The following THRAP3 variants were observed in gnomAD, a reference collection of about 807,000 sequenced individuals.
THRAP3 encodes thyroid hormone receptor associated protein 3.
Under a neutral mutation model 101.0 loss-of-function variants are expected in THRAP3, and 16 were observed. That is an observed-to-expected ratio of 0.16 (90% CI 0.11 to 0.24). The LOEUF is 0.24. Among genes scored for constraint, THRAP3 ranks in the 10% least tolerant of loss-of-function variants. The probability of loss-of-function intolerance (pLI) is 1.00; values close to 1 mark genes in which losing one functional copy is unlikely to be tolerated. For missense variants in THRAP3, 989 were observed against 1,202.7 expected, an observed-to-expected ratio of 0.82 and a Z score of 2.63; for synonymous variants, 407 against 422.6, an observed-to-expected ratio of 0.96 and a Z score of 0.45.
chr1:36,248,595 T>G (rs1003193159), intron 1 of THRAP3, among the ~76,000 whole-genome samples: 1 of 151,910 alleles, frequency 6.6e-6, no homozygotes, highest in Non-Finnish European at 1.5e-5. Context: ...CATGCTTTAT[T>G]TTTTTGTAGA....
intron 1 of THRAP3, chr1:36,225,029 C>T (rs1644946025): frequency 6.6e-6 from 1 of 152,276 alleles, no homozygotes. Flanking sequence ...TTAGAGTTCT[C>T]ACTTTTTTCT....
rs372496336 is a variant in THRAP3, at chr1:36,240,695, A to G, written c.-135+16190A>G. 4.1e-4 allele frequency among the ~76,000 whole-genome samples: 62 copies of G among 152,246 alleles called. 1 individual carries two copies. The South Asian group carries it at 0.012, about 30-fold the overall frequency. ...CACAGCCCTTAACATTTTTTTTGGT[A>G]TAAATATAGGTATCAAAATAATCCT... is the stretch of plus-strand genomic sequence containing the variant. On this transcript the variant is annotated intron_variant, in intron 1 of 11. Transcript: ENST00000354618.
In THRAP3 at chr1:36,304,260, A is replaced by T; in HGVS notation, c.*243A>T. The T allele has an allele frequency of 2.6e-6, 1 of 382,114 alleles. No homozygotes were observed. Among genetic ancestry groups the T allele is most frequent in the Non-Finnish European group, 4.6e-6 (1 of 219,476 alleles). The allele number at this position is 382,114 out of a possible 1,614,324, so 23.7% of individuals were successfully genotyped here. On this transcript the variant is annotated 3_prime_UTR_variant, in exon 12 of 12. Transcript: ENST00000354618. ...AGCAGAATACAACGCATTGGGCTTTAGCTGTTTTTCTCATTTGTTGGTGTG... is the reference window on the plus strand; with the variant it reads ...AGCAGAATACAACGCATTGGGCTTTTGCTGTTTTTCTCATTTGTTGGTGTG...
At chr1:36,281,114 C>T (rs945789665) in intron 2 of THRAP3, among the ~76,000 whole-genome samples, 2 of 151,930 alleles carry the variant, frequency 1.3e-5, no homozygotes, top group Non-Finnish European at 2.9e-5. Flanking sequence ...ACCATGTTGG[C>T]CACGCTGGTC....
intron 1 of THRAP3, among the ~76,000 whole-genome samples, chr1:36,255,253 C>G (rs1047680965): frequency 3.3e-5 from 5 of 152,116 alleles, no homozygotes; most frequent in African/African-American, 1.2e-4. Context: ...CTTGTTACGC[C>G]TGGTGGTTTA....
At chr1:36,295,148 G>T (rs969555660) in intron 8 of THRAP3, among the ~76,000 whole-genome samples, 8 of 150,956 alleles carry the variant, frequency 5.3e-5, no homozygotes, top group African/African-American at 2.0e-4. Flanking sequence ...ACTTGAACCT[G>T]GGAGGTGGAG....
At chr1:36,246,112 T>G (rs1244440654) in intron 1 of THRAP3, among the ~76,000 whole-genome samples, 1 of 152,164 alleles carries the variant, frequency 6.6e-6, no homozygotes, top group Non-Finnish European at 1.5e-5. Flanking sequence ...AGAGCTGGAT[T>G]CAATCCCAGA....
chr1:36,274,746 C>T (rs1645634192), intron 2 of THRAP3, among the ~76,000 whole-genome samples: 1 of 142,110 alleles, frequency 7.0e-6, no homozygotes, highest in South Asian at 2.2e-4. Flanking sequence ...GGTTCTCCTA[C>T]TTCAGCCTCC....
intron 1 of THRAP3, among the ~76,000 whole-genome samples, chr1:36,246,490 C>T (rs115748932): frequency 0.034 from 5,137 of 152,190 alleles, 219 homozygotes; most frequent in East Asian, 0.14. Flanking sequence ...GCCTTGGCGT[C>T]CCAAGGTGCT....
chr1:36,226,630 G>T (rs771434547), intron 1 of THRAP3, among the ~76,000 whole-genome samples: 1 of 152,148 alleles, frequency 6.6e-6, no homozygotes, highest in African/African-American at 2.4e-5. Flanking sequence ...TTTCTGTAGG[G>T]CATATTGACA....
rs562328843 is a variant in THRAP3 at position 36,275,680 on chromosome 1, A to G, written c.-31-6853A>G. On this transcript the variant is annotated intron_variant, in intron 2 of 11. Transcript: ENST00000354618. ...GGCTGGAGTGCAACAGCATGATAAG[A>G]ATAGTCTTTTCAACAAATGGTGCTA... is the stretch of plus-strand genomic sequence containing the variant. 3.8e-4 allele frequency among the ~76,000 whole-genome samples: 58 copies of G among 151,606 alleles called. 1 individual carries two copies. The highest frequency in any genetic ancestry group is 1.3e-3 in the African/African-American group (53 of 41,326).
At position 36,276,082 on chromosome 1, in the gene THRAP3, C is replaced by G. The variant is rs561363643; in HGVS notation, c.-31-6451C>G. On this transcript the variant is annotated intron_variant, in intron 2 of 11. Transcript: ENST00000354618. ...AATTAAATCATAATGGATCATAGAC[C>G]TACATAGTGCTAAAACTAGAAAACC... is the stretch of plus-strand genomic sequence containing the variant. Among the ~76,000 whole-genome samples the G allele has an allele frequency of 3.9e-5, 6 of 152,124 alleles. No homozygotes were observed. In the South Asian group the frequency reaches 1.2e-3, roughly 32 times the overall value.
In THRAP3 at chr1:36,304,444, T is replaced by TA; in HGVS notation, c.*427_*428insA. 4.6e-6 allele frequency: 1 copy of TA among 217,962 alleles called. No homozygotes were observed. Among genetic ancestry groups the TA allele is most frequent in the Non-Finnish European group, 9.1e-6 (1 of 110,394 alleles). 13.5% of individuals were successfully genotyped at this position (217,962 alleles called of 1,614,324 possible). A position where few individuals can be genotyped will look rare whatever the true frequency, so the allele number is the denominator to read the frequency against. ...CCCTGTCCTGATTTTAAAAGCCCCC[T>TA]CCTTTTTTTTTTTTTTTTTCTTTTT... On this transcript the variant is annotated 3_prime_UTR_variant, in exon 12 of 12. Coordinates refer to ENST00000354618, the MANE Select transcript of THRAP3 (RefSeq NM_005119.4).
chr1:36,229,469 T>C (rs1179065732), intron 1 of THRAP3, among the ~76,000 whole-genome samples: 4 of 151,000 alleles, frequency 2.6e-5, no homozygotes, highest in Admixed American at 6.6e-5. Flanking sequence ...TGATGTGCTG[T>C]AGAAATTTTA....
chr1:36,225,804 G>GT (rs1644955960), intron 1 of THRAP3, among the ~76,000 whole-genome samples: 1 of 152,192 alleles, frequency 6.6e-6, no homozygotes, highest in Non-Finnish European at 1.5e-5. Flanking sequence ...GCCGGGAGAT[G>GT]TATTTTGTGA....
intron 1 of THRAP3, among the ~76,000 whole-genome samples, chr1:36,237,329 G>T (rs1481481092): frequency 1.3e-5 from 2 of 151,760 alleles, no homozygotes; most frequent in African/African-American, 4.8e-5. Flanking sequence ...TCAGCTGGGC[G>T]TGTTGGCAAG....
At chr1:36,211,231 C>G in the THRAP3 span, among the ~76,000 whole-genome samples, 3 of 151,674 alleles carry the variant, frequency 2.0e-5, no homozygotes, top group Non-Finnish European at 4.4e-5. Context: ...CCTGGTGGCA[C>G]GCGCCTGTGT....
intron 1 of THRAP3, among the ~76,000 whole-genome samples, chr1:36,236,404 A>G (rs1008652750): frequency 1.3e-5 from 2 of 152,144 alleles, no homozygotes; most frequent in African/African-American, 2.4e-5. Context: ...AGAAAGTTCT[A>G]GTAGAGAGAC....
At position 36,304,701 on chromosome 1, in the gene THRAP3, C is replaced by G. The variant is rs1570361615; in HGVS notation, c.*684C>G. 4.6e-6 allele frequency: 1 copy of G among 216,964 alleles called. No individual in the cohort carries two copies. The allele number at this position is 216,964 out of a possible 1,614,324, so 13.4% of individuals were successfully genotyped here. A position where few individuals can be genotyped will look rare whatever the true frequency, so the allele number is the denominator to read the frequency against. ...TGTATCACGTGGAGTTGCTCCTTAC[C>G]ACACCTCACGTGCCCCTGAGCCCTA... On this transcript the variant is annotated 3_prime_UTR_variant, in exon 12 of 12. Transcript: ENST00000354618.
Sources: gnomAD v4.1 joint callset for allele counts (sites outside exome capture counted in the v4.1 genomes callset) on GRCh38, gnomAD v4.1.1 for gene constraint, MANE v1.5 for transcripts, NCBI Gene and HGNC (gene_info 2026-07-23, HGNC 2026-07-21) for gene names.